Variants in TSC22D1 observed in about 807,000 individuals in gnomAD.
The protein encoded by TSC22D1 is TSC22 domain family member 1.
TSC22D1 carries 9 observed loss-of-function variants against 74.2 expected under a neutral mutation model. The ratio of observed to expected loss-of-function variants is 0.12; its 90% CI spans 0.07 to 0.21. TSC22D1 has a LOEUF of 0.21. Among genes scored for constraint, TSC22D1 ranks in the 10% least tolerant of loss-of-function variants. The pLI is 1.00. For missense variants in TSC22D1, 1,427 were observed against 1,304.7 expected (o/e 1.09, Z -1.44); for synonymous variants, 586 against 492.5 (o/e 1.19, Z -2.51).
At position 44,443,875 on chromosome 13, in the gene TSC22D1, G is replaced by A. The variant is rs572912167; in HGVS notation, c.2913-7780C>T. On this transcript the variant is annotated intron_variant, in intron 1 of 2. Coordinates refer to ENST00000458659, the MANE Select transcript of TSC22D1 (RefSeq NM_183422.4). ...TAAATCTAATAAAGCTAACACAGGA[G>A]GATAAAATGGAATCATAGGAAAATG... Among the ~76,000 whole-genome samples, 312 of 151,956 alleles carry A rather than the reference G, an allele frequency of 2.1e-3. 10 individuals are homozygous for A. The South Asian group carries it at 0.063, about 31-fold the overall frequency.
At chr13:44,458,446 C>A (rs1390060957) in intron 1 of TSC22D1, among the ~76,000 whole-genome samples, 1 of 152,222 alleles carries the variant, frequency 6.6e-6, no homozygotes, top group East Asian at 1.9e-4. Context: ...CCATCTAGAG[C>A]AGCCACTGCA....
At chr13:44,502,915 C>T (rs1033457310) in intron 1 of TSC22D1, among the ~76,000 whole-genome samples, 7 of 152,196 alleles carry the variant, frequency 4.6e-5, no homozygotes, top group Admixed American at 1.3e-4. Context: ...CATTTGTATA[C>T]ACAATAAAAC....
chr13:44,461,209 T>C (rs1359577341), intron 1 of TSC22D1, among the ~76,000 whole-genome samples: 1 of 152,314 alleles, frequency 6.6e-6, no homozygotes, highest in East Asian at 1.9e-4. Flanking sequence ...ACTGAGACTA[T>C]GCAAAATTAA....
At chr13:44,515,893 C>A (rs189651188) in intron 1 of TSC22D1, among the ~76,000 whole-genome samples, 1 of 152,244 alleles carries the variant, frequency 6.6e-6, no homozygotes, top group East Asian at 1.9e-4. Context: ...CCATTTTACA[C>A]CTATTACAAA....
chr13:44,574,301 C>G lies in TSC22D1; in HGVS notation c.1774G>C (p.Gly592Arg). Residue 592 changes from glycine (G) to arginine (R), a missense_variant, in exon 1 of 3, where the codon GGT becomes CGT. Transcript: ENST00000458659. The stretch of plus-strand genomic sequence containing the variant: ...AAACTGGAAATGGAAGGCTGCTGAC[C>G]TAAAGCTGAAGTTACACCAACCACA... ...VNVVGVTSAL[G>R]QQPSISSLAQ... 6.2e-7 allele frequency: 1 copy of G among 1,614,216 alleles called. No homozygotes were observed. The highest frequency in any genetic ancestry group is 8.5e-7 in the Non-Finnish European group (1 of 1,180,044).
At chr13:44,572,440 C>T (rs1393090505) in intron 1 of TSC22D1, among the ~76,000 whole-genome samples, 2 of 152,158 alleles carry the variant, frequency 1.3e-5, no homozygotes, top group East Asian at 1.9e-4. Flanking sequence ...TCCTCCAAGA[C>T]TTACTTTCTC....
chr13:44,436,941 T>C, intron 1 of TSC22D1: 1 of 1,025,490 alleles, frequency 9.8e-7, no homozygotes. Flanking sequence ...CGCCCCCTAC[T>C]CCCTTCCAGG....
rs775348040 is a variant in TSC22D1, at chr13:44,575,307, G to C, written c.768C>G (p.Ser256Arg). The C allele has an allele frequency of 6.2e-7, 1 of 1,614,172 alleles. No individual in the cohort carries two copies. Among genetic ancestry groups the C allele is most frequent in the South Asian group, 1.1e-5 (1 of 91,088 alleles). ...SASITGGPPS[S>R]PVSRKLSTTG... The stretch of plus-strand genomic sequence containing the variant: ...TTGTAGAGAGTTTTCTAGATACTGG[G>C]CTTGAGGGTGGCCCACCAGTAATGG... Residue 256 changes from serine to arginine, a missense_variant, in exon 1 of 3, where the codon AGC (serine) becomes AGG (arginine). Around this residue, in one of 3 missense-constraint regions of TSC22D1, gnomAD observed 1,343 missense variants for 1,191.5 expected, o/e 1.13. Transcript: ENST00000458659.
intron 1 of TSC22D1, among the ~76,000 whole-genome samples, chr13:44,522,063 A>G (rs1278142206): frequency 6.6e-6 from 1 of 152,238 alleles, no homozygotes; most frequent in Non-Finnish European, 1.5e-5. Context: ...TAAAGAATTG[A>G]TGTAATGTTA....
chr13:44,502,644 T>C (rs1461636354), intron 1 of TSC22D1, among the ~76,000 whole-genome samples: 1 of 152,098 alleles, frequency 6.6e-6, no homozygotes, highest in African/African-American at 2.4e-5. Flanking sequence ...AGTGGGTAGG[T>C]TATATTATCG....
At chr13:44,477,227 G>A (rs1312403697) in intron 1 of TSC22D1, among the ~76,000 whole-genome samples, 1 of 152,104 alleles carries the variant, frequency 6.6e-6, no homozygotes, top group Non-Finnish European at 1.5e-5. Context: ...TGCTGGGACT[G>A]CAGGCGTGAG....
rs1239400423 is a variant in TSC22D1, at chr13:44,576,107, G to C, written c.-33C>G. The C allele has an allele frequency of 2.0e-6, 3 of 1,479,782 alleles. No homozygotes were observed. The highest frequency in any genetic ancestry group is 2.7e-5 in the South Asian group (2 of 73,942). 91.7% of individuals were successfully genotyped at this position (1,479,782 alleles called of 1,614,324 possible). A position where few individuals can be genotyped will look rare whatever the true frequency, so the allele number is the denominator to read the frequency against. On this transcript the variant is annotated 5_prime_UTR_variant, in exon 1 of 3. Coordinates refer to ENST00000458659, the MANE Select transcript of TSC22D1 (RefSeq NM_183422.4). ...GGTACCGGGGGCGCGGAGGAGACGA[G>C]TGCAATTTCCTTCTGCACCGTAATC...
At chr13:44,562,119 A>C (rs1269230446) in intron 1 of TSC22D1, among the ~76,000 whole-genome samples, 1 of 152,160 alleles carries the variant, frequency 6.6e-6, no homozygotes, top group Non-Finnish European at 1.5e-5. Context: ...ACCTCACTGC[A>C]ACCTCCACCT....
chr13:44,477,577 G>A (rs1413799352), intron 1 of TSC22D1, among the ~76,000 whole-genome samples: 1 of 151,374 alleles, frequency 6.6e-6, no homozygotes, highest in African/African-American at 2.4e-5. Flanking sequence ...GTTCCTTCCT[G>A]AAGTGAGCCT....
intron 1 of TSC22D1, among the ~76,000 whole-genome samples, chr13:44,532,969 A>C (rs1880935110): frequency 6.6e-6 from 1 of 152,188 alleles, no homozygotes; most frequent in South Asian, 2.1e-4. Context: ...AGTAAGTAGT[A>C]AAGTGGTACA....
At chr13:44,509,490 A>C (rs1879589200) in intron 1 of TSC22D1, among the ~76,000 whole-genome samples, 1 of 152,104 alleles carries the variant, frequency 6.6e-6, no homozygotes, top group Non-Finnish European at 1.5e-5. Context: ...AATACAAAAA[A>C]TGAGCCGGAC....
At chr13:44,543,052 T>C (rs942288629) in intron 1 of TSC22D1, among the ~76,000 whole-genome samples, 6 of 152,168 alleles carry the variant, frequency 3.9e-5, no homozygotes, top group South Asian at 4.1e-4. Flanking sequence ...TATAGATCTA[T>C]TAACCTACCA....
At chr13:44,499,336 G>A (rs1435056663) in intron 1 of TSC22D1, among the ~76,000 whole-genome samples, 1 of 152,194 alleles carries the variant, frequency 6.6e-6, no homozygotes, top group African/African-American at 2.4e-5. Context: ...GTACCCAGGT[G>A]AGCCCAAGAA....
rs866215940 is a variant in TSC22D1 at position 44,538,991 on chromosome 13, A to C, written c.2912+34172T>G. The C allele has an allele frequency of 6.1e-6, 6 of 985,422 alleles. 1 individual carries two copies. The Middle Eastern group carries it at 3.1e-3, about 515-fold the overall frequency. The allele number at this position is 985,422 out of a possible 1,614,324, so 61.0% of individuals were successfully genotyped here. On this transcript the variant is annotated intron_variant, in intron 1 of 2. Coordinates refer to ENST00000458659, the MANE Select transcript of TSC22D1 (RefSeq NM_183422.4). The stretch of plus-strand genomic sequence containing the variant: ...AAATGAAAACTTGCCAAAGGTAACA[A>C]GTTCACATTCTACCCATTGTAGGTG...
Sources: allele counts gnomAD v4.1 joint callset (sites outside exome capture counted in the v4.1 genomes callset), GRCh38; gene constraint gnomAD v4.1.1; regional missense constraint gnomAD v4.1.1; transcripts MANE v1.5; gene names NCBI Gene and HGNC (gene_info 2026-07-23, HGNC 2026-07-21).